Variants in IFFO1 observed in about 807,000 individuals in gnomAD.
IFFO1 encodes the protein non-homologous end joining factor IFFO1.
A neutral mutation model predicts 59.6 loss-of-function variants in IFFO1; 42 were observed. The observed-to-expected ratio is 0.70, with a 90% CI of 0.55 to 0.91. The LOEUF is 0.91. Ranked by LOEUF, IFFO1 falls within the 40% of genes least tolerant of loss-of-function variation. The pLI is 0.00. For missense variants in IFFO1, 711 were observed against 793.2 expected, an observed-to-expected ratio of 0.90 and a Z score of 1.24; for synonymous variants, 336 against 342.8, an observed-to-expected ratio of 0.98 and a Z score of 0.22.
At chr12:6,551,531 G>C in intron 1 of IFFO1, 3 of 1,241,648 alleles carry the variant, frequency 2.4e-6, no homozygotes, top group South Asian at 2.5e-5. Context: ...TATCAACAGA[G>C]TGGGTCAAGA....
chr12:6,549,538 G>T lies in IFFO1; in HGVS notation c.1072-54C>A. ...AGGAAGAGAGGAGAGGAAGCAGACAGAGGAGAGAGAGGGGGAAGGGAGAGA... is the reference window on the plus strand; with the variant it reads ...AGGAAGAGAGGAGAGGAAGCAGACATAGGAGAGAGAGGGGGAAGGGAGAGA... On this transcript the variant is annotated intron_variant, in intron 4 of 9. Coordinates refer to ENST00000619571, the MANE Select transcript of IFFO1 (RefSeq NM_001193457.2). This position sits in a 1 kb window ranked among gnomAD's most constrained non-coding sequence, Gnocchi z 5.0. The T allele has an allele frequency of 6.8e-7, 1 of 1,473,866 alleles. No homozygotes were observed. Among genetic ancestry groups the T allele is most frequent in the Non-Finnish European group, 9.5e-7 (1 of 1,053,144 alleles). 91.3% of individuals were successfully genotyped at this position (1,473,866 alleles called of 1,614,324 possible). A position where few individuals can be genotyped will look rare whatever the true frequency, so the allele number is the denominator to read the frequency against.
chr12:6,553,900 T>C (rs1175349822), intron 1 of IFFO1, among the ~76,000 whole-genome samples: 1 of 152,172 alleles, frequency 6.6e-6, no homozygotes, highest in Non-Finnish European at 1.5e-5. Context: ...CAGAGCCACA[T>C]TTGTGTTCTG....
chr12:6,555,811 G>T lies in IFFO1; in HGVS notation c.219C>A (p.Asn73Lys). The T allele has an allele frequency of 6.2e-7, 1 of 1,612,466 alleles. No individual in the cohort carries two copies. Among genetic ancestry groups the T allele is most frequent in the Non-Finnish European group, 8.5e-7 (1 of 1,179,198 alleles). The stretch of plus-strand genomic sequence containing the variant: ...GGTTCAGGGTCTTGAGCACGTTGAT[G>T]TTGGAGCCCAGGTCATTGCGGAGGG... ...AMALRNDLGS[N>K]INVLKTLNLR... Residue 73 changes from asparagine to lysine, a missense_variant, in exon 1 of 10, where the codon AAC becomes AAA. Asn to Lys is a moderately conservative substitution (Grantham distance 94). Coordinates refer to ENST00000619571, the MANE Select transcript of IFFO1 (RefSeq NM_001193457.2). The surrounding 1 kb of genome is among the most constrained non-coding windows in gnomAD (Gnocchi z 8.6).
Position 6,555,420 on chromosome 12 carries a change from G to A in IFFO1, c.610C>T (p.Arg204Trp), listed in dbSNP as rs201255792. Reference protein sequence around the residue: ...GTIWSFSHARRLGPGLEPTLV... With the variant: ...GTIWSFSHARWLGPGLEPTLV... Reference sequence around the variant, plus strand: ...GTGGGCTCCAGTCCCGGCCCGAGCCGGCGGGCGTGCGAGAACGACCAGATG... The same window carrying A: ...GTGGGCTCCAGTCCCGGCCCGAGCCAGCGGGCGTGCGAGAACGACCAGATG... The change falls in exon 1 of 10, where the codon CGG (arginine) becomes TGG (tryptophan). Residue 204 changes from arginine (R) to tryptophan (W), a missense_variant. Coordinates refer to ENST00000619571, the MANE Select transcript of IFFO1 (RefSeq NM_001193457.2). The surrounding 1 kb of genome is among the most constrained non-coding windows in gnomAD (Gnocchi z 8.6). The A allele has an allele frequency of 5.6e-6, 9 of 1,614,046 alleles. No homozygotes were observed. The African/African-American group carries it at 9.3e-5, about 17-fold the overall frequency.
In IFFO1 at chr12:6,551,451, C is replaced by T. The variant is rs760755181; in HGVS notation, c.774-450G>A. 2.3e-6 allele frequency: 3 copies of T among 1,294,910 alleles called. No individual in the cohort carries two copies. The South Asian group carries it at 3.7e-5, about 16-fold the overall frequency. The allele number at this position is 1,294,910 out of a possible 1,614,324, so 80.2% of individuals were successfully genotyped here. On this transcript the variant is annotated intron_variant, in intron 1 of 9. Transcript: ENST00000619571. The stretch of plus-strand genomic sequence containing the variant: ...CTCCTGCCCGCACCAGAACAGAGCT[C>T]GTCGAGCCCGCTGCCCTGCCTCTTG...
At chr12:6,550,574 G>T in intron 3 of IFFO1, 121 bp downstream of exon 3, 1 of 687,816 alleles carries the variant, frequency 1.5e-6, no homozygotes, top group South Asian at 1.7e-5. Flanking sequence ...AAAAGGGAAG[G>T]AAAGCAAAGA....
intron 8 of IFFO1, among the ~76,000 whole-genome samples, chr12:6,542,570 G>A (rs1230309628): frequency 6.6e-6 from 1 of 152,210 alleles, no homozygotes; most frequent in Non-Finnish European, 1.5e-5. Flanking sequence ...AGAGAGGGTG[G>A]GAACTTAGAG....
chr12:6,544,218 G>A (rs1453497840), intron 8 of IFFO1, among the ~76,000 whole-genome samples: 1 of 150,050 alleles, frequency 6.7e-6, no homozygotes, highest in Non-Finnish European at 1.5e-5. Context: ...CCAGGCTGTG[G>A]TGCAGTGGCA....
At chr12:6,539,117 T>TA (rs1047405826), downstream of IFFO1, 16 of 152,332 alleles carry the variant, frequency 1.1e-4, no homozygotes, top group African/African-American at 3.9e-4. Context: ...TTTGGGCAGT[T>TA]ACTCCCGGGC....
rs1316873562 is a variant in IFFO1 at position 6,555,906 on chromosome 12, G to C, written c.124C>G (p.Pro42Ala). 1.9e-6 allele frequency: 3 copies of C among 1,554,876 alleles called. No individual in the cohort carries two copies. Among genetic ancestry groups the C allele is most frequent in the Non-Finnish European group, 2.6e-6 (3 of 1,154,398 alleles). The change falls in exon 1 of 10, where the codon CCT becomes GCT. Residue 42 changes from proline to alanine, a missense_variant. Pro to Ala is a conservative substitution (Grantham distance 27). Transcript: ENST00000619571. This position sits in a 1 kb window ranked among gnomAD's most constrained non-coding sequence, Gnocchi z 8.6. ...FAGGGDLPPA[P>A]LSPAGPAAYS... ...GCAGCAGGGCCGGCCGGCGAGAGAG[G>C]CGCCGGGGGCAAGTCTCCTCCCCCG...
chr12:6,548,422 T>C lies in IFFO1; in HGVS notation c.1383+3A>G, dbSNP rs748314691. On this transcript the variant is annotated splice_donor_region_variant and intron_variant, in intron 7 of 9. Coordinates refer to ENST00000619571, the MANE Select transcript of IFFO1 (RefSeq NM_001193457.2). The surrounding 1 kb of genome is among the most constrained non-coding windows in gnomAD (Gnocchi z 6.1). ...GGGCCCTGAGGCCGGGAGCAGAGGT[T>C]ACCTCTCCCTGGGCCTCTGCAGCTG... is the stretch of plus-strand genomic sequence containing the variant. 1 of 1,608,122 alleles carries C rather than the reference T, an allele frequency of 6.2e-7. No homozygotes were observed. The highest frequency in any genetic ancestry group is 8.5e-7 in the Non-Finnish European group (1 of 1,176,942).
intron 1 of IFFO1, among the ~76,000 whole-genome samples, chr12:6,552,822 CTT>C (rs1295652052): frequency 6.6e-6 from 1 of 152,238 alleles, no homozygotes; most frequent in African/African-American, 2.4e-5. Flanking sequence ...TTTGGCCAGA[CTT>C]CACACAGACA....
At chr12:6,543,044 T>C (rs964561083) in intron 8 of IFFO1, among the ~76,000 whole-genome samples, 1 of 152,180 alleles carries the variant, frequency 6.6e-6, no homozygotes, top group Non-Finnish European at 1.5e-5. Context: ...ACAAGCCACC[T>C]TGAAAACTGC....
intron 8 of IFFO1, among the ~76,000 whole-genome samples, chr12:6,547,542 A>T (rs10735060): frequency 6.6e-6 from 1 of 151,910 alleles, no homozygotes; most frequent in South Asian, 2.1e-4. Flanking sequence ...ACAGGGAGAC[A>T]CCATCTCTAC....
Position 6,548,125 on chromosome 12 carries a change from ATCTTTAAT to A in IFFO1, c.1411_1418del (p.Ile471TyrfsTer17). ...CCCGGGTTTTGAACAGGGACTCCGT[ATCTTTAAT>A]CACCTTCTCCAGGCTATCTTCCTGC... On this transcript the variant is annotated frameshift_variant, in exon 8 of 10. Transcript: ENST00000619571. LOFTEE classifies it high-confidence loss of function. The surrounding 1 kb of genome is among the most constrained non-coding windows in gnomAD (Gnocchi z 6.1). The A allele has an allele frequency of 6.2e-7, 1 of 1,614,088 alleles. No homozygotes were observed. Among genetic ancestry groups the A allele is most frequent in the Non-Finnish European group, 8.5e-7 (1 of 1,179,972 alleles).
Position 6,548,586 on chromosome 12 carries a change from C to T in IFFO1, c.1263-41G>A, listed in dbSNP as rs760361163. On this transcript the variant is annotated intron_variant, in intron 6 of 9. Coordinates refer to ENST00000619571, the MANE Select transcript of IFFO1 (RefSeq NM_001193457.2). This position sits in a 1 kb window ranked among gnomAD's most constrained non-coding sequence, Gnocchi z 6.1. Reference sequence around the variant, plus strand: ...CCGGGTGTCAGGGCGGGCGGGGCCTCGTCCTGGCGGGGGACTGGGGAGCTC... The same window carrying T: ...CCGGGTGTCAGGGCGGGCGGGGCCTTGTCCTGGCGGGGGACTGGGGAGCTC... The T allele has an allele frequency of 2.1e-5, 34 of 1,613,370 alleles. No individual in the cohort carries two copies. The highest frequency in any genetic ancestry group is 1.6e-4 in the Middle Eastern group (1 of 6,078).
intron 1 of IFFO1, among the ~76,000 whole-genome samples, chr12:6,553,824 T>C (rs1371592591): frequency 1.3e-5 from 2 of 152,102 alleles, no homozygotes; most frequent in Non-Finnish European, 2.9e-5. Context: ...CTTCTTGCCA[T>C]CACTTTGCAA....
chr12:6,548,017 C>A lies in IFFO1; in HGVS notation c.1479+48G>T. 2 of 1,453,486 alleles carry A rather than the reference C, an allele frequency of 1.4e-6. No individual in the cohort carries two copies. Among genetic ancestry groups the A allele is most frequent in the South Asian group, 1.1e-5 (1 of 87,784 alleles). 90.0% of individuals were successfully genotyped at this position (1,453,486 alleles called of 1,614,324 possible). On this transcript the variant is annotated intron_variant, in intron 8 of 9. Transcript: ENST00000619571. The surrounding 1 kb of genome is among the most constrained non-coding windows in gnomAD (Gnocchi z 6.1). ...AGGCCACTGCGCCTGCAGCCCCACT[C>A]AAAACCCTCTGGGACACCACGCCCC...
intron 1 of IFFO1, 108 bp from the exon 2 acceptor site, chr12:6,551,109 T>G: frequency 4.6e-6 from 5 of 1,087,062 alleles, no homozygotes; most frequent in Non-Finnish European, 6.8e-6. Context: ...CCAGTTCTGG[T>G]TCCCTGGATG....
Sources: gnomAD v4.1 joint callset for allele counts (sites outside exome capture counted in the v4.1 genomes callset) on GRCh38, gnomAD v4.1.1 for gene constraint, Gnocchi (gnomAD v3.1) non-coding constraint, MANE v1.5 for transcripts, NCBI Gene and HGNC (gene_info 2026-07-23, HGNC 2026-07-21) for gene names.